ZFAND3: variants seen among roughly 807,000 people sequenced by gnomAD.
The protein encoded by ZFAND3 is zinc finger AN1-type containing 3.
A neutral mutation model predicts 29.6 loss-of-function variants in ZFAND3; 10 were observed. That is an observed-to-expected ratio of 0.34 (90% CI 0.21 to 0.57). The LOEUF (loss-of-function observed/expected upper bound fraction) is 0.57. Among genes scored for constraint, ZFAND3 ranks in the 20% least tolerant of loss-of-function variants. ZFAND3 has a pLI of 0.86. For synonymous variants in ZFAND3, 128 were observed against 112.6 expected (o/e 1.14, Z -0.87); for missense variants, 230 against 304.5 (o/e 0.76, Z 1.82).
intron 2 of ZFAND3, among the ~76,000 whole-genome samples, chr6:38,056,848 TA>T (rs1382831807): frequency 6.6e-6 from 1 of 152,194 alleles, no homozygotes; most frequent in African/African-American, 2.4e-5. Flanking sequence ...TAGATGATAA[TA>T]AGGTAAGTTG....
chr6:38,145,879 C>G (rs996488421), intron 5 of ZFAND3, among the ~76,000 whole-genome samples: 2 of 151,288 alleles, frequency 1.3e-5, no homozygotes, highest in Non-Finnish European at 3.0e-5. Flanking sequence ...GTGCCCCTAC[C>G]CCCTGCCTCT....
intron 1 of ZFAND3, among the ~76,000 whole-genome samples, chr6:37,842,790 C>T (rs1554147952): frequency 6.6e-6 from 1 of 152,078 alleles, no homozygotes; most frequent in Non-Finnish European, 1.5e-5. Context: ...TAATCTCATT[C>T]ATTATGTTGT....
In ZFAND3 at chr6:37,989,602, GAC is replaced by G. The variant is rs1307055848; in HGVS notation, c.112+59607_112+59608del. ...GGCTTTAACATACGAATTTTGGGGG[GAC>G]ACAAACATTCAGTCCGTAGCAATAG... On this transcript the variant is annotated intron_variant, in intron 2 of 5. Coordinates refer to ENST00000287218, the MANE Select transcript of ZFAND3 (RefSeq NM_021943.3). 9.2e-5 allele frequency among the ~76,000 whole-genome samples: 14 copies of G among 152,210 alleles called. No individual in the cohort carries two copies. In the East Asian group the frequency reaches 1.7e-3, roughly 19 times the overall value.
intron 1 of ZFAND3, among the ~76,000 whole-genome samples, chr6:37,870,600 GAAAAAA>G (rs35350059): frequency 8.9e-6 from 1 of 112,110 alleles, no homozygotes; most frequent in African/African-American, 3.5e-5. Flanking sequence ...CTCTGTCTCA[GAAAAAA>G]AAAAAAAAAA....
chr6:37,912,031 T>TGTGTGC (rs1765532091), intron 1 of ZFAND3, among the ~76,000 whole-genome samples: 1 of 1,950 alleles, frequency 5.1e-4, no homozygotes. Flanking sequence ...GTCTTTTATC[T>TGTGTGC]GTGTGTGTGT....
intron 1 of ZFAND3, among the ~76,000 whole-genome samples, chr6:37,863,084 A>T (rs1764523423): frequency 6.6e-6 from 1 of 152,184 alleles, no homozygotes; most frequent in Admixed American, 6.5e-5. Flanking sequence ...GAGATACTGT[A>T]ACCTTCCTAG....
intron 1 of ZFAND3, among the ~76,000 whole-genome samples, chr6:37,849,363 C>A (rs1017225623): frequency 6.6e-6 from 1 of 152,038 alleles, no homozygotes; most frequent in Non-Finnish European, 1.5e-5. Context: ...AGATGAATTG[C>A]GTCATATAAT....
At chr6:37,889,866 A>G (rs1765061394) in intron 1 of ZFAND3, among the ~76,000 whole-genome samples, 2 of 152,380 alleles carry the variant, frequency 1.3e-5, no homozygotes, top group Middle Eastern at 3.4e-3. Flanking sequence ...TAGAAGCTAC[A>G]TAATACATAT....
Position 38,106,066 on chromosome 6 carries a change from TC to T in ZFAND3, c.362-10503del, listed in dbSNP as rs552458100. On this transcript the variant is annotated intron_variant, in intron 4 of 5. Transcript: ENST00000287218. ...CTGGCATTCTCCAAGGGCCTTTGCT[TC>T]CCAGACTGTGAAATGTTCTATTTAG... Among the ~76,000 whole-genome samples, 29 of 152,230 alleles carry T rather than the reference TC, an allele frequency of 1.9e-4. No homozygotes were observed. The South Asian group carries it at 5.2e-3, about 27-fold the overall frequency.
At chr6:38,086,646 C>A (rs9349053) in intron 4 of ZFAND3, among the ~76,000 whole-genome samples, 2 of 151,960 alleles carry the variant, frequency 1.3e-5, no homozygotes, top group African/African-American at 2.4e-5. Context: ...CTTTTCTAAC[C>A]GTCAAGTTAT....
chr6:37,874,632 A>G (rs898845556), intron 1 of ZFAND3, among the ~76,000 whole-genome samples: 3 of 152,164 alleles, frequency 2.0e-5, no homozygotes, highest in African/African-American at 7.2e-5. Flanking sequence ...CCCATGTCCA[A>G]ATAAGGTCAC....
chr6:38,019,119 C>G (rs1763302017), intron 2 of ZFAND3, among the ~76,000 whole-genome samples: 1 of 152,106 alleles, frequency 6.6e-6, no homozygotes, highest in Non-Finnish European at 1.5e-5. Context: ...GCCACTACGC[C>G]CAGCTGATGT....
chr6:37,929,449 C>G (rs921896362), intron 1 of ZFAND3, among the ~76,000 whole-genome samples: 3 of 152,130 alleles, frequency 2.0e-5, no homozygotes, highest in African/African-American at 7.2e-5. Context: ...ACAAGAAGGT[C>G]ATAATGTGAT....
At chr6:38,051,114 A>G (rs1484270293) in intron 2 of ZFAND3, among the ~76,000 whole-genome samples, 1 of 152,158 alleles carries the variant, frequency 6.6e-6, no homozygotes, top group African/African-American at 2.4e-5. Context: ...TTGTAAGAGC[A>G]TACATAGGTG....
intron 2 of ZFAND3, among the ~76,000 whole-genome samples, chr6:37,948,224 C>T (rs1420816915): frequency 5.3e-5 from 8 of 152,124 alleles, no homozygotes; most frequent in Admixed American, 4.6e-4. Flanking sequence ...TGGATTAAAG[C>T]AGTTTTTTCT....
chr6:37,951,070 A>G (rs2127420698), intron 2 of ZFAND3, among the ~76,000 whole-genome samples: 1 of 152,200 alleles, frequency 6.6e-6, no homozygotes, highest in Middle Eastern at 3.4e-3. Flanking sequence ...TTCTTGTTGT[A>G]GAGATCTTTC....
intron 2 of ZFAND3, among the ~76,000 whole-genome samples, chr6:37,949,739 G>T (rs1761964564): frequency 6.6e-6 from 1 of 152,190 alleles, no homozygotes; most frequent in South Asian, 2.1e-4. Flanking sequence ...GGTACATAGG[G>T]TGAGGTCTGG....
intron 2 of ZFAND3, among the ~76,000 whole-genome samples, chr6:38,017,242 G>C (rs1205458620): frequency 2.6e-5 from 4 of 152,182 alleles, no homozygotes; most frequent in African/African-American, 7.2e-5. Context: ...ATCATGTGTG[G>C]AAACACCAGT....
At chr6:37,896,554 C>CTCTCTTTCTTTCT in intron 1 of ZFAND3, among the ~76,000 whole-genome samples, 1 of 137,814 alleles carries the variant, frequency 7.3e-6, no homozygotes, top group African/African-American at 2.8e-5. Context: ...TTCTTTCTTT[C>CTCTCTTTCTTTCT]TTTCTTTCTT....
Sources: allele counts gnomAD v4.1 joint callset (sites outside exome capture counted in the v4.1 genomes callset), GRCh38; gene constraint gnomAD v4.1.1; transcripts MANE v1.5; gene names NCBI Gene and HGNC (gene_info 2026-07-23, HGNC 2026-07-21).